The following SLC4A2 variants were observed in gnomAD, a reference collection of about 807,000 sequenced individuals.
SLC4A2 encodes the protein solute carrier family 4 member 2.
SLC4A2 carries 36 observed loss-of-function variants against 115.0 expected under a neutral mutation model. The observed-to-expected ratio is 0.31, with a 90% CI of 0.24 to 0.41. The LOEUF (loss-of-function observed/expected upper bound fraction) is 0.41, where lower values mean the gene tolerates loss of function less well. Among genes scored for constraint, SLC4A2 ranks in the 10% least tolerant of loss-of-function variants. SLC4A2 has a pLI of 1.00. For missense variants in SLC4A2, 1,252 were observed against 1,705.6 expected, an observed-to-expected ratio of 0.73 and a Z score of 4.68; for synonymous variants, 708 against 708.3, an observed-to-expected ratio of 1.00 and a Z score of 0.01.
At position 151,076,148 on chromosome 7, in the gene SLC4A2, G is replaced by A; in HGVS notation, c.3607G>A (p.Val1203Met). The change falls in exon 22 of 23, where the codon GTG (valine) becomes ATG (methionine). Residue 1203 changes from valine to methionine, a missense_variant. By Grantham distance (21) the Val-to-Met change is conservative. Coordinates refer to ENST00000413384, the MANE Select transcript of SLC4A2 (RefSeq NM_003040.4). Reference sequence around the variant, plus strand: ...CCTCACAGTGCCGCTCCGCATGGTGGTGCTCACCCGTATCTTCACCGACCG... The same window carrying A: ...CCTCACAGTGCCGCTCCGCATGGTGATGCTCACCCGTATCTTCACCGACCG... ...LILTVPLRMVVLTRIFTDREM... is the reference protein window; with the variant it reads ...LILTVPLRMVMLTRIFTDREM... 2 of 1,610,526 alleles carry A rather than the reference G, an allele frequency of 1.2e-6. No individual in the cohort carries two copies. Among genetic ancestry groups the A allele is most frequent in the East Asian group, 2.2e-5 (1 of 44,876 alleles).
In SLC4A2 at chr7:151,070,580, G is replaced by C; in HGVS notation, c.1564+9G>C. 1 of 1,610,756 alleles carries C rather than the reference G, an allele frequency of 6.2e-7. No individual in the cohort carries two copies. Among genetic ancestry groups the C allele is most frequent in the Non-Finnish European group, 8.5e-7 (1 of 1,177,890 alleles). On this transcript the variant is annotated intron_variant, in intron 11 of 22. Transcript: ENST00000413384. ...CACGGTGGTCCTTGTGGGTATGTGGGGCAGGTCACATGTAGGGGGCTTGGT... is the reference window on the plus strand; with the variant it reads ...CACGGTGGTCCTTGTGGGTATGTGGCGCAGGTCACATGTAGGGGGCTTGGT...
chr7:151,064,614 A>G lies in SLC4A2; in HGVS notation c.306A>G (p.Pro102=), dbSNP rs1241847841. ...DARRRKTPQG[P]GRKPRRRPGA... ...GCCGCCGCAAGACACCCCAGGGCCCAGGACGGAAGCCTCGAAGGCGCCCGG... is the reference window on the plus strand; with the variant it reads ...GCCGCCGCAAGACACCCCAGGGCCCGGGACGGAAGCCTCGAAGGCGCCCGG... Residue 102 remains proline, a synonymous_variant, in exon 4 of 23, where the codon CCA becomes CCG. Coordinates refer to ENST00000413384, the MANE Select transcript of SLC4A2 (RefSeq NM_003040.4). The G allele has an allele frequency of 2.5e-6, 4 of 1,613,522 alleles. No individual in the cohort carries two copies. Among genetic ancestry groups the G allele is most frequent in the Non-Finnish European group, 3.4e-6 (4 of 1,179,882 alleles).
In SLC4A2 at chr7:151,074,538, G is replaced by A. The variant is rs376786770; in HGVS notation, c.2880+50G>A. The A allele has an allele frequency of 5.6e-6, 9 of 1,602,948 alleles. No homozygotes were observed. The African/African-American group carries it at 1.1e-4, about 19-fold the overall frequency. On this transcript the variant is annotated intron_variant, in intron 18 of 22. Coordinates refer to ENST00000413384, the MANE Select transcript of SLC4A2 (RefSeq NM_003040.4). The stretch of plus-strand genomic sequence containing the variant: ...AGTGCTGCTGCCTCTGCCACCCCGG[G>A]TCTAGGTGTTCCCCTCCAGCCTCCA...
At chr7:151,067,806 CCT>C in intron 7 of SLC4A2, 66 bp from the exon 8 acceptor site, 2 of 1,423,966 alleles carry the variant, frequency 1.4e-6, no homozygotes, top group South Asian at 2.4e-5. Context: ...ACACCACTCA[CCT>C]CTGACACCCA....
In SLC4A2 at chr7:151,075,324, C is replaced by G. The variant is rs149482871; in HGVS notation, c.3117C>G (p.Ile1039Met). 6.2e-7 allele frequency: 1 copy of G among 1,613,396 alleles called. No individual in the cohort carries two copies. The highest frequency in any genetic ancestry group is 1.1e-5 in the South Asian group (1 of 91,086). ...GCTTCCACCTGGACCTGCTGCTCAT[C>G]GTGGCCATGGGCGGCATCTGTGCCC... ...GSGFHLDLLLIVAMGGICALF... is the reference protein window; with the variant it reads ...GSGFHLDLLLMVAMGGICALF... Residue 1039 changes from isoleucine to methionine, a missense_variant, in exon 20 of 23, where the codon ATC (isoleucine) becomes ATG (methionine). Ile to Met is a conservative substitution (Grantham distance 10). Around this residue, in one of 14 missense-constraint regions of SLC4A2, gnomAD observed 253 missense variants for 407.4 expected, o/e 0.62. Coordinates refer to ENST00000413384, the MANE Select transcript of SLC4A2 (RefSeq NM_003040.4).
chr7:151,058,885 C>T (rs1796962854), upstream of SLC4A2: 2 of 152,276 alleles, frequency 1.3e-5, no homozygotes, highest in Non-Finnish European at 2.9e-5. Context: ...AAACAGCACT[C>T]CTCAGCACCG....
intron 16 of SLC4A2, 87 bp from the exon 17 acceptor site, chr7:151,073,952 C>T: frequency 2.1e-6 from 3 of 1,405,544 alleles, no homozygotes; most frequent in Non-Finnish European, 2.9e-6. Flanking sequence ...TTTCCCCTGC[C>T]CCACCCCTTC....
At chr7:151,068,921 C>G (rs559297472) in intron 8 of SLC4A2, among the ~76,000 whole-genome samples, 2 of 151,366 alleles carry the variant, frequency 1.3e-5, no homozygotes, top group African/African-American at 4.9e-5. Context: ...GGGTGGATTA[C>G]GAGGTCAGGA....
At chr7:151,063,586 G>A (rs1797128319) in intron 2 of SLC4A2, among the ~76,000 whole-genome samples, 1 of 148,708 alleles carries the variant, frequency 6.7e-6, no homozygotes, top group African/African-American at 2.5e-5. Flanking sequence ...GGGGGGACTG[G>A]GTCTCTGCAT....
At chr7:151,069,839 C>A in intron 8 of SLC4A2, 108 bp from the exon 9 acceptor site, 3 of 1,370,394 alleles carry the variant, frequency 2.2e-6, no homozygotes, top group Non-Finnish European at 2.1e-6. Flanking sequence ...GGCTGGTGTT[C>A]CAGCCCCGGC....
chr7:151,071,168 G>A lies in SLC4A2; in HGVS notation c.1846G>A (p.Glu616Lys). Reference sequence around the variant, plus strand: ...CTGCAGCGTGGTGCTGCCGCCTTCAGAAGTGCAGGGCGAGGAGCTGCTGCG... The same window carrying A: ...CTGCAGCGTGGTGCTGCCGCCTTCAAAAGTGCAGGGCGAGGAGCTGCTGCG... ...LDCSVVLPPSEVQGEELLRSV... is the reference protein window; with the variant it reads ...LDCSVVLPPSKVQGEELLRSV... The change falls in exon 13 of 23, where the codon GAA becomes AAA. Residue 616 changes from glutamate (E) to lysine (K), a missense_variant. By Grantham distance (56) the Glu-to-Lys change is moderately conservative. Around this residue, in one of 14 missense-constraint regions of SLC4A2, gnomAD observed 87 missense variants for 170.3 expected, o/e 0.51. Transcript: ENST00000413384. The surrounding 1 kb of genome is among the most constrained non-coding windows in gnomAD (Gnocchi z 5.5). The A allele has an allele frequency of 6.2e-7, 1 of 1,612,330 alleles. No homozygotes were observed. The highest frequency in any genetic ancestry group is 8.5e-7 in the Non-Finnish European group (1 of 1,179,658).
Position 151,074,446 on chromosome 7 carries a change from C to G in SLC4A2, c.2838C>G (p.Ile946Met). The change falls in exon 18 of 23, where the codon ATC becomes ATG. Residue 946 changes from isoleucine to methionine, a missense_variant. Ile to Met is a conservative substitution (Grantham distance 10). Around this residue, in one of 14 missense-constraint regions of SLC4A2, gnomAD observed 253 missense variants for 407.4 expected, o/e 0.62. Transcript: ENST00000413384. Reference sequence around the variant, plus strand: ...TTGGGGTGCCCATCGCCATCCTCATCATGGTGCTTGTGGATTACAGTATTG... The same window carrying G: ...TTGGGGTGCCCATCGCCATCCTCATGATGGTGCTTGTGGATTACAGTATTG... ...GDFGVPIAIL[I>M]MVLVDYSIED... is the part of the protein sequence containing the mutation. 3 of 1,614,092 alleles carry G rather than the reference C, an allele frequency of 1.9e-6. No individual in the cohort carries two copies. Among genetic ancestry groups the G allele is most frequent in the Non-Finnish European group, 2.5e-6 (3 of 1,180,030 alleles).
rs764636253 is a variant in SLC4A2 at position 151,071,726 on chromosome 7, G to A, written c.2229G>A (p.Leu743=). 38 of 1,611,710 alleles carry A rather than the reference G, an allele frequency of 2.4e-5. No homozygotes were observed. Among genetic ancestry groups the A allele is most frequent in the Non-Finnish European group, 3.1e-5 (37 of 1,178,954 alleles). ...AGGACCTGATAGGGGTGTCGGAGCTGATTATGTCCACAGCGCTCCAGGGCG... is the reference window on the plus strand; with the variant it reads ...AGGACCTGATAGGGGTGTCGGAGCTAATTATGTCCACAGCGCTCCAGGGCG... ...KTQDLIGVSE[L]IMSTALQGVV... The change falls in exon 15 of 23, where the codon CTG becomes CTA. Residue 743 remains leucine, a synonymous_variant. Transcript: ENST00000413384. The surrounding 1 kb of genome is among the most constrained non-coding windows in gnomAD (Gnocchi z 5.5).
In SLC4A2 at chr7:151,064,379, G is replaced by T; in HGVS notation, c.217+12G>T. 1.3e-6 allele frequency: 2 copies of T among 1,563,734 alleles called. No individual in the cohort carries two copies. The highest frequency in any genetic ancestry group is 1.4e-5 in the African/African-American group (1 of 73,794). ...GGAAGACTTTGAGTGTGAGGGGGCA[G>T]GCAGGGGAGGGGGAGGTGGGGGGAT... is the stretch of plus-strand genomic sequence containing the variant. On this transcript the variant is annotated intron_variant, in intron 3 of 22. Coordinates refer to ENST00000413384, the MANE Select transcript of SLC4A2 (RefSeq NM_003040.4).
intron 20 of SLC4A2, 49 bp downstream of exon 20, chr7:151,075,557 T>G: frequency 6.3e-7 from 1 of 1,589,288 alleles, no homozygotes; most frequent in Non-Finnish European, 8.5e-7. Context: ...CCAGGGCTAC[T>G]GGGGCCAGGG....
Position 151,074,141 on chromosome 7 carries a change from C to T in SLC4A2, c.2638C>T (p.Pro880Ser), listed in dbSNP as rs764091567. 6.2e-7 allele frequency: 1 copy of T among 1,612,606 alleles called. No homozygotes were observed. The highest frequency in any genetic ancestry group is 8.5e-7 in the Non-Finnish European group (1 of 1,179,908). ...GGCCGGGGCAAGACCCACGCTGGGG[C>T]CGGGCAACAGGAGCTTGGCTGGGCA... ...TWAGARPTLG[P>S]GNRSLAGQSG... The change falls in exon 17 of 23, where the codon CCG becomes TCG. Residue 880 changes from proline (P) to serine (S), a missense_variant. Physicochemically the swap from Pro to Ser is moderately conservative, Grantham distance 74 (BLOSUM62 -1). Around this residue, in one of 14 missense-constraint regions of SLC4A2, gnomAD observed 55 missense variants for 48.6 expected, o/e 1.13. Transcript: ENST00000413384.
In SLC4A2 at chr7:151,075,459, G is replaced by T. The variant is rs781439759; in HGVS notation, c.3252G>T (p.Gln1084His). Residue 1084 changes from glutamine (Q) to histidine (H), a missense_variant, in exon 20 of 23, where the codon CAG (glutamine) becomes CAT (histidine). By Grantham distance (24) the Gln-to-His change is conservative (BLOSUM62 0). Transcript: ENST00000413384. Reference protein sequence around the residue: ...AVAPGDKPKIQEVKEQRVTGL... With the variant: ...AVAPGDKPKIHEVKEQRVTGL... ...CACCTGGGGACAAGCCCAAGATTCA[G>T]GAAGTCAAGGAGCAGCGGGTGACGG... 1.6e-5 allele frequency: 26 copies of T among 1,602,730 alleles called. No homozygotes were observed. The Middle Eastern group carries it at 9.9e-4, about 61-fold the overall frequency.
At chr7:151,063,050 AGACC>A in intron 2 of SLC4A2, 1 of 1,490,358 alleles carries the variant, frequency 6.7e-7, no homozygotes, top group African/African-American at 1.4e-5. Flanking sequence ...CCTGGAGCTG[AGACC>A]GTGGGTGGGT....
In SLC4A2 at chr7:151,076,505, T is replaced by C; in HGVS notation, c.*138T>C. 1.3e-6 allele frequency: 1 copy of C among 777,100 alleles called. No homozygotes were observed. Among genetic ancestry groups the C allele is most frequent in the Non-Finnish European group, 2.0e-6 (1 of 512,656 alleles). 48.1% of individuals were successfully genotyped at this position (777,100 alleles called of 1,614,324 possible). A position where few individuals can be genotyped will look rare whatever the true frequency, so the allele number is the denominator to read the frequency against. The stretch of plus-strand genomic sequence containing the variant: ...TTCTCCTCCCCCACTGCCCCTGCAG[T>C]AAAGTGCTTTGGCCCCCACCTATCT... On this transcript the variant is annotated 3_prime_UTR_variant, in exon 23 of 23. Transcript: ENST00000413384.
Sources: allele counts gnomAD v4.1 joint callset (sites outside exome capture counted in the v4.1 genomes callset), GRCh38; gene constraint gnomAD v4.1.1; regional missense constraint gnomAD v4.1.1; non-coding constraint Gnocchi (gnomAD v3.1); transcripts MANE v1.5; gene names NCBI Gene and HGNC (gene_info 2026-07-23, HGNC 2026-07-21).